Variants in CSMD1 observed in about 807,000 individuals in gnomAD.
The protein encoded by CSMD1 is CUB and sushi domain-containing protein 1.
In CSMD1, 213 loss-of-function variants were observed where a neutral mutation model predicts 417.5. That is an observed-to-expected ratio of 0.51 (90% CI 0.46 to 0.57). The LOEUF (loss-of-function observed/expected upper bound fraction) is 0.57. CSMD1 is among the 20% of genes least tolerant of loss of function. The pLI is 0.00. For missense variants in CSMD1, 6,923 were observed against 4,529.7 expected (o/e 1.53, Z -15.17); for synonymous variants, 2,862 against 1,736.8 (o/e 1.65, Z -16.11).
chr8:3,893,359 A>ATATATATATATATATATATATATATT, intron 5 of CSMD1, among the ~76,000 whole-genome samples: 1 of 136,230 alleles, frequency 7.3e-6, no homozygotes, highest in Non-Finnish European at 1.6e-5. Flanking sequence ...ATATATATAT[A>ATATATATATATATATATATATATATT]TATTATTTTT....
intron 2 of CSMD1, among the ~76,000 whole-genome samples, chr8:4,505,331 T>G (rs116419272): frequency 6.6e-6 from 1 of 152,114 alleles, no homozygotes; most frequent in Non-Finnish European, 1.5e-5. Context: ...AAACTGAAAA[T>G]AAGTAAACAA....
intron 63 of CSMD1, 143 bp downstream of exon 63, chr8:2,957,553 G>T: frequency 1.7e-6 from 1 of 602,592 alleles, no homozygotes; most frequent in African/African-American, 1.9e-5. Flanking sequence ...CCAGTTCTAG[G>T]GAACCAAACT....
At chr8:4,349,286 G>T (rs1800951495) in intron 3 of CSMD1, among the ~76,000 whole-genome samples, 1 of 152,130 alleles carries the variant, frequency 6.6e-6, no homozygotes, top group African/African-American at 2.4e-5. Context: ...AATTTTTGCA[G>T]CAGTGGAAAG....
In CSMD1 at chr8:4,415,424, G is replaced by A. The variant is rs553649242; in HGVS notation, c.415+4529C>T. Among the ~76,000 whole-genome samples, 9 of 151,974 alleles carry A rather than the reference G, an allele frequency of 5.9e-5. No individual in the cohort carries two copies. In the South Asian group the frequency reaches 1.2e-3, roughly 21 times the overall value. ...GTTTGACACAAAGTAGGCATTTAGCGCACGTGCTTTAATAACACGCTCTTC... is the reference window on the plus strand; with the variant it reads ...GTTTGACACAAAGTAGGCATTTAGCACACGTGCTTTAATAACACGCTCTTC... On this transcript the variant is annotated intron_variant, in intron 3 of 69. Transcript: ENST00000635120.
At chr8:3,466,394 T>C (rs1469324564) in intron 12 of CSMD1, among the ~76,000 whole-genome samples, 1 of 151,336 alleles carries the variant, frequency 6.6e-6, no homozygotes. Flanking sequence ...ATATATGCTG[T>C]ATATATTTTC....
chr8:3,319,267 T>C (rs1400842382), intron 23 of CSMD1, among the ~76,000 whole-genome samples: 1 of 152,244 alleles, frequency 6.6e-6, no homozygotes, highest in African/African-American at 2.4e-5. Context: ...AGCATTTGAT[T>C]AACTAGTGTT....
At chr8:3,240,157 G>A (rs1248773130) in intron 26 of CSMD1, among the ~76,000 whole-genome samples, 4 of 152,124 alleles carry the variant, frequency 2.6e-5, no homozygotes, top group Non-Finnish European at 4.4e-5. Context: ...AAGGCTACTC[G>A]GTGCGGTCCC....
intron 3 of CSMD1, among the ~76,000 whole-genome samples, chr8:4,193,538 G>A (rs555070058): frequency 3.3e-5 from 5 of 152,218 alleles, no homozygotes; most frequent in South Asian, 4.2e-4. Flanking sequence ...TGGCTGAAGA[G>A]GTCTGAGTCA....
Position 3,758,723 on chromosome 8 carries a change from C to T in CSMD1, c.819-4681G>A, listed in dbSNP as rs145639931. On this transcript the variant is annotated intron_variant, in intron 5 of 69. Transcript: ENST00000635120. ...GTGGGAGGCAGAATCATACCTGCTA[C>T]AGACAGATCCCCAAGCCCCGAGGTC... Among the ~76,000 whole-genome samples the T allele has an allele frequency of 2.0e-5, 3 of 152,302 alleles. No homozygotes were observed. The East Asian group carries it at 5.8e-4, about 29-fold the overall frequency.
In CSMD1 at chr8:3,972,179, C is replaced by T. The variant is rs139420808; in HGVS notation, c.818+25724G>A. 4.1e-3 allele frequency among the ~76,000 whole-genome samples: 623 copies of T among 151,860 alleles called. 4 individuals carry two copies. Among genetic ancestry groups the T allele is most frequent in the African/African-American group, 0.014 (571 of 41,368 alleles). On this transcript the variant is annotated intron_variant, in intron 5 of 69. Coordinates refer to ENST00000635120, the MANE Select transcript of CSMD1 (RefSeq NM_033225.6). ...ACCCCTGTGCCTGGCCCTTCTAAGA[C>T]CATAGATGTGATTTCCTATCACTTT... is the stretch of plus-strand genomic sequence containing the variant.
chr8:4,426,641 T>G (rs1797575641), intron 2 of CSMD1, among the ~76,000 whole-genome samples: 1 of 136,986 alleles, frequency 7.3e-6, no homozygotes, highest in South Asian at 2.3e-4. Flanking sequence ...ATAGTAATAT[T>G]TTGTTATTCA....
intron 5 of CSMD1, among the ~76,000 whole-genome samples, chr8:3,957,161 C>A (rs1211129479): frequency 8.5e-5 from 13 of 152,076 alleles, no homozygotes; most frequent in Admixed American, 8.5e-4. Flanking sequence ...TCACACCCAG[C>A]TCTGCTAGAT....
chr8:4,326,815 G>T (rs918449836), intron 3 of CSMD1, among the ~76,000 whole-genome samples: 1 of 150,540 alleles, frequency 6.6e-6, no homozygotes, highest in Non-Finnish European at 1.5e-5. Flanking sequence ...GAAAACTTTG[G>T]CTTTGAGATT....
At chr8:3,000,895 G>C (rs1807345361) in intron 52 of CSMD1, among the ~76,000 whole-genome samples, 1 of 152,112 alleles carries the variant, frequency 6.6e-6, no homozygotes, top group African/African-American at 2.4e-5. Context: ...TAAAACAATT[G>C]ACAAACATGG....
chr8:4,142,857 A>G (rs114738997), intron 3 of CSMD1, among the ~76,000 whole-genome samples: 3 of 151,208 alleles, frequency 2.0e-5, no homozygotes, highest in Admixed American at 6.6e-5. Context: ...GCTGTTTCTA[A>G]TATCATCATT....
chr8:3,963,059 T>C (rs1272882857), intron 5 of CSMD1, among the ~76,000 whole-genome samples: 1 of 151,794 alleles, frequency 6.6e-6, no homozygotes, highest in Non-Finnish European at 1.5e-5. Flanking sequence ...GCCTCAGGAG[T>C]AGCTGAGATT....
chr8:4,548,370 A>G (rs904683150), intron 2 of CSMD1, among the ~76,000 whole-genome samples: 5 of 152,286 alleles, frequency 3.3e-5, no homozygotes, highest in Non-Finnish European at 7.4e-5. Flanking sequence ...TTTGTCGTTC[A>G]TTGAATATTC....
intron 5 of CSMD1, among the ~76,000 whole-genome samples, chr8:3,819,972 T>G (rs1243699855): frequency 6.6e-6 from 1 of 152,190 alleles, no homozygotes; most frequent in African/African-American, 2.4e-5. Flanking sequence ...CCCGAATTGC[T>G]GTCCCCAGAC....
intron 20 of CSMD1, among the ~76,000 whole-genome samples, chr8:3,363,653 G>T (rs1453615071): frequency 1.3e-5 from 2 of 152,216 alleles, no homozygotes; most frequent in South Asian, 2.1e-4. Context: ...TCAGTCTCCT[G>T]AGTAGCTGCG....
Sources: allele counts gnomAD v4.1 joint callset (sites outside exome capture counted in the v4.1 genomes callset), GRCh38; gene constraint gnomAD v4.1.1; transcripts MANE v1.5; gene names NCBI Gene and HGNC (gene_info 2026-07-23, HGNC 2026-07-21).